The following LOC128092252 variants were observed in gnomAD, a reference collection of about 807,000 sequenced individuals.
At chr15:50,666,631 T>G in the LOC128092252 span, among the ~76,000 whole-genome samples, 1 of 152,054 alleles carries the variant, frequency 6.6e-6, no homozygotes, top group Non-Finnish European at 1.5e-5. Flanking sequence ...TGGAGAAACC[T>G]GTCTCTACTA....
At chr15:50,651,293 G>A in the LOC128092252 span, among the ~76,000 whole-genome samples, 1 of 152,114 alleles carries the variant, frequency 6.6e-6, no homozygotes, top group African/African-American at 2.4e-5. Context: ...AGAACGAGAT[G>A]ATGGAATTAT....
the LOC128092252 span, among the ~76,000 whole-genome samples, chr15:50,683,921 C>T: frequency 4.5e-3 from 680 of 150,878 alleles, 2 homozygotes; most frequent in Middle Eastern, 0.01. Context: ...GAGTGAATGG[C>T]GCAATCTTGG....
chr15:50,684,909 A>C, the LOC128092252 span, among the ~76,000 whole-genome samples: 2,064 of 152,326 alleles, frequency 0.014, 41 homozygotes, highest in African/African-American at 0.048. Flanking sequence ...ACAATCAGGG[A>C]AATATGCTGA....
the LOC128092252 span, chr15:50,686,407 A>C: frequency 2.0e-6 from 3 of 1,520,702 alleles, no homozygotes; most frequent in Non-Finnish European, 2.7e-6. Flanking sequence ...CGGAAGCCTC[A>C]AGGCAATTCG....
chr15:50,665,646 T>C, the LOC128092252 span, among the ~76,000 whole-genome samples: 1 of 152,132 alleles, frequency 6.6e-6, no homozygotes, highest in Admixed American at 6.6e-5. Context: ...CTGTACAATG[T>C]AGTCTAAATG....
At chr15:50,649,319 G>A in the LOC128092252 span, among the ~76,000 whole-genome samples, 1 of 152,090 alleles carries the variant, frequency 6.6e-6, no homozygotes, top group South Asian at 2.1e-4. Flanking sequence ...TACACCTGTA[G>A]TCCCAGCTAC....
the LOC128092252 span, among the ~76,000 whole-genome samples, chr15:50,678,134 G>A: frequency 1.1e-4 from 16 of 151,008 alleles, no homozygotes; most frequent in Admixed American, 4.6e-4. Flanking sequence ...CCAGCTACTC[G>A]GGAGGCTGAG....
At chr15:50,685,702 A>G in the LOC128092252 span, among the ~76,000 whole-genome samples, 6 of 152,314 alleles carry the variant, frequency 3.9e-5, no homozygotes, top group East Asian at 1.2e-3. Flanking sequence ...GATGTAAATG[A>G]CTTTCTTAAG....
chr15:50,655,457 A>G, the LOC128092252 span, among the ~76,000 whole-genome samples: 1 of 143,034 alleles, frequency 7.0e-6, no homozygotes, highest in Non-Finnish European at 1.6e-5. Flanking sequence ...ACAAAAAAAC[A>G]AAAAACCTTC....
chr15:50,672,575 A>G, the LOC128092252 span, among the ~76,000 whole-genome samples: 27,363 of 151,912 alleles, frequency 0.18, 3,227 homozygotes, highest in East Asian at 0.46. Context: ...CTTAGGTTTG[A>G]ACAAAAAGTT....
chr15:50,680,569 C>CAA, the LOC128092252 span, among the ~76,000 whole-genome samples: 18 of 106,672 alleles, frequency 1.7e-4, no homozygotes, highest in Non-Finnish European at 2.2e-4. Context: ...ACACTTGTCT[C>CAA]AAAAAAAAAA....
the LOC128092252 span, among the ~76,000 whole-genome samples, chr15:50,672,708 G>A: frequency 1.1e-3 from 164 of 151,794 alleles, no homozygotes; most frequent in African/African-American, 3.8e-3. Flanking sequence ...TCACGAGTTC[G>A]AGACCAGCCT....
chr15:50,663,125 A>G, the LOC128092252 span: 12 of 1,131,198 alleles, frequency 1.1e-5, no homozygotes, highest in South Asian at 1.6e-4. Context: ...ATAAACACAT[A>G]AACAGTTCTT....
At chr15:50,665,542 C>T in the LOC128092252 span, among the ~76,000 whole-genome samples, 5 of 152,060 alleles carry the variant, frequency 3.3e-5, no homozygotes, top group Admixed American at 1.3e-4. Flanking sequence ...ACATTCAACA[C>T]TTTATATAAC....
chr15:50,680,735 A>C, the LOC128092252 span, among the ~76,000 whole-genome samples: 4 of 152,160 alleles, frequency 2.6e-5, no homozygotes, highest in Admixed American at 2.0e-4. Context: ...AAAAAACCTT[A>C]ACTTTTTTAA....
chr15:50,672,074 T>C, the LOC128092252 span, among the ~76,000 whole-genome samples: 1 of 152,130 alleles, frequency 6.6e-6, no homozygotes, highest in Non-Finnish European at 1.5e-5. Flanking sequence ...TTTTGTTTTT[T>C]GAGACGGAGT....
chr15:50,660,223 T>TA, the LOC128092252 span, among the ~76,000 whole-genome samples: 1 of 152,164 alleles, frequency 6.6e-6, no homozygotes, highest in Non-Finnish European at 1.5e-5. Flanking sequence ...ATGTTAAGGT[T>TA]ATCTATTTTA....
At chr15:50,680,795 A>C in the LOC128092252 span, among the ~76,000 whole-genome samples, 2 of 152,188 alleles carry the variant, frequency 1.3e-5, no homozygotes, top group African/African-American at 2.4e-5. Flanking sequence ...CATGTCCCTG[A>C]ATATCAAAAG....
chr15:50,683,489 C>T, the LOC128092252 span, among the ~76,000 whole-genome samples: 2 of 151,110 alleles, frequency 1.3e-5, no homozygotes, highest in African/African-American at 2.4e-5. Flanking sequence ...AATCCCAACA[C>T]TTTGGGAGGC....
Sources: gnomAD v4.1 joint callset for allele counts (sites outside exome capture counted in the v4.1 genomes callset) on GRCh38, gnomAD v4.1.1 for gene constraint, MANE v1.5 for transcripts.